KHDRBS2: variants seen among roughly 807,000 people sequenced by gnomAD.
KHDRBS2 encodes KH RNA binding domain containing, signal transduction associated 2.
In KHDRBS2, 26 loss-of-function variants were observed where a neutral mutation model predicts 44.3. The observed-to-expected ratio is 0.59, with a 90% CI of 0.43 to 0.81. The LOEUF (loss-of-function observed/expected upper bound fraction) is 0.81, where lower values mean the gene tolerates loss of function less well. KHDRBS2 is among the 40% of genes least tolerant of loss of function. KHDRBS2 has a pLI of 0.00. For synonymous variants in KHDRBS2, 194 were observed against 151.1 expected (o/e 1.28, Z -2.08); for missense variants, 476 against 433.1 (o/e 1.10, Z -0.88).
chr6:62,053,886 A>G (rs533926764), intron 2 of KHDRBS2, among the ~76,000 whole-genome samples: 5 of 152,166 alleles, frequency 3.3e-5, no homozygotes, highest in African/African-American at 1.2e-4. Context: ...TATACAAAAA[A>G]GGTTAATTGT....
At chr6:61,996,877 A>C (rs1273431202) in intron 3 of KHDRBS2, among the ~76,000 whole-genome samples, 1 of 137,176 alleles carries the variant, frequency 7.3e-6, no homozygotes, top group Non-Finnish European at 1.5e-5. Flanking sequence ...TCTGCGCCCG[A>C]GTTTAAGCAA....
chr6:61,693,382 C>G (rs1196475168), intron 8 of KHDRBS2, among the ~76,000 whole-genome samples: 1 of 152,096 alleles, frequency 6.6e-6, no homozygotes, highest in East Asian at 1.9e-4. Context: ...TGGTGCTGAG[C>G]TCTTACTATT....
At chr6:61,720,569 A>C (rs1165193251) in intron 7 of KHDRBS2, among the ~76,000 whole-genome samples, 1 of 152,192 alleles carries the variant, frequency 6.6e-6, no homozygotes, top group Non-Finnish European at 1.5e-5. Flanking sequence ...GGCAGCATAA[A>C]TGTCTTCTTT....
intron 7 of KHDRBS2, among the ~76,000 whole-genome samples, chr6:61,730,041 T>C (rs937007463): frequency 1.2e-4 from 19 of 152,160 alleles, no homozygotes; most frequent in Non-Finnish European, 2.1e-4. Flanking sequence ...CTATTAGAAA[T>C]TGGCACGATA....
At chr6:62,199,689 C>A (rs1032277147) in intron 1 of KHDRBS2, among the ~76,000 whole-genome samples, 1 of 152,190 alleles carries the variant, frequency 6.6e-6, no homozygotes. Flanking sequence ...AATGCCATCC[C>A]CATCAAGCTA....
intron 6 of KHDRBS2, among the ~76,000 whole-genome samples, chr6:61,871,790 C>A (rs1221499689): frequency 6.6e-6 from 1 of 152,100 alleles, no homozygotes; most frequent in Non-Finnish European, 1.5e-5. Flanking sequence ...AAATCCTTTA[C>A]AGAAAAGCAA....
At chr6:61,568,833 G>A in the KHDRBS2 span, among the ~76,000 whole-genome samples, 2 of 152,224 alleles carry the variant, frequency 1.3e-5, no homozygotes, top group Admixed American at 6.5e-5. Flanking sequence ...GGCAGCAAGG[G>A]TAACTAGAAA....
intron 7 of KHDRBS2, among the ~76,000 whole-genome samples, chr6:61,719,838 T>C (rs572015860): frequency 5.1e-4 from 78 of 152,168 alleles, no homozygotes; most frequent in African/African-American, 1.8e-3. Context: ...GCAGGTTAGT[T>C]ACATATGTAT....
In KHDRBS2 at chr6:62,208,396, A is replaced by G. The variant is rs189966256; in HGVS notation, c.92-31084T>C. Among the ~76,000 whole-genome samples, 9 of 152,118 alleles carry G rather than the reference A, an allele frequency of 5.9e-5. No homozygotes were observed. The East Asian group carries it at 1.4e-3, about 23-fold the overall frequency. On this transcript the variant is annotated intron_variant, in intron 1 of 8. Transcript: ENST00000281156. ...AGGGCACACCATCTTGTCAGATAGGATCTCCTTTTTAAAAGTGAAAAACAA... is the reference window on the plus strand; with the variant it reads ...AGGGCACACCATCTTGTCAGATAGGGTCTCCTTTTTAAAAGTGAAAAACAA...
At chr6:61,681,354 G>C (rs564654653) in intron 8 of KHDRBS2, among the ~76,000 whole-genome samples, 7 of 151,636 alleles carry the variant, frequency 4.6e-5, no homozygotes, top group Non-Finnish European at 1.0e-4. Context: ...TAAATAAATT[G>C]GATATAGGAA....
intron 2 of KHDRBS2, among the ~76,000 whole-genome samples, chr6:62,064,203 G>T (rs879614466): frequency 0.079 from 10,128 of 127,916 alleles, 464 homozygotes; most frequent in African/African-American, 0.082. Flanking sequence ...TGGCCATACT[G>T]CCCAAGGTAA....
At chr6:62,046,331 G>T (rs1382162928) in intron 3 of KHDRBS2, among the ~76,000 whole-genome samples, 1 of 151,898 alleles carries the variant, frequency 6.6e-6, no homozygotes, top group Non-Finnish European at 1.5e-5. Flanking sequence ...TGTTTTAAAA[G>T]ATATAGAAAT....
chr6:61,571,014 A>G, the KHDRBS2 span, among the ~76,000 whole-genome samples: 2 of 152,136 alleles, frequency 1.3e-5, no homozygotes, highest in East Asian at 3.8e-4. Flanking sequence ...CAATGAAAAA[A>G]AAACAAGGTA....
At chr6:61,809,083 G>GA (rs140869382) in intron 6 of KHDRBS2, among the ~76,000 whole-genome samples, 4,266 of 146,738 alleles carry the variant, frequency 0.029, 191 homozygotes, top group African/African-American at 0.1. Flanking sequence ...ACTCCACTGG[G>GA]AAAAAAAAAA....
At chr6:61,695,831 T>C (rs1286838923) in intron 8 of KHDRBS2, among the ~76,000 whole-genome samples, 1 of 152,156 alleles carries the variant, frequency 6.6e-6, no homozygotes, top group African/African-American at 2.4e-5. Flanking sequence ...GAAGATACTC[T>C]TCTTCCTTTC....
intron 6 of KHDRBS2, among the ~76,000 whole-genome samples, chr6:61,887,873 T>C (rs992700675): frequency 6.6e-6 from 1 of 152,176 alleles, no homozygotes; most frequent in Non-Finnish European, 1.5e-5. Context: ...TAGCAGCTCT[T>C]GAGTGCTAAT....
intron 6 of KHDRBS2, among the ~76,000 whole-genome samples, chr6:61,754,303 C>A (rs1337497073): frequency 6.6e-6 from 1 of 152,014 alleles, no homozygotes; most frequent in African/African-American, 2.4e-5. Context: ...ATGACCTGAC[C>A]CATTATTCAT....
At chr6:61,551,236 G>T in the KHDRBS2 span, among the ~76,000 whole-genome samples, 8 of 152,034 alleles carry the variant, frequency 5.3e-5, no homozygotes, top group Non-Finnish European at 1.0e-4. Context: ...TTGTGAATTT[G>T]TTCAAGTTTC....
At chr6:61,561,774 A>G in the KHDRBS2 span, among the ~76,000 whole-genome samples, 1 of 152,184 alleles carries the variant, frequency 6.6e-6, no homozygotes, top group African/African-American at 2.4e-5. Context: ...GGATAGGTCC[A>G]GAAAGACAGA....
Sources: gnomAD v4.1 joint callset for allele counts (sites outside exome capture counted in the v4.1 genomes callset) on GRCh38, gnomAD v4.1.1 for gene constraint, MANE v1.5 for transcripts, NCBI Gene and HGNC (gene_info 2026-07-23, HGNC 2026-07-21) for gene names.